The following ARHGEF3 variants were observed in gnomAD, a reference collection of about 807,000 sequenced individuals.
ARHGEF3 encodes Rho guanine nucleotide exchange factor 3.
A neutral mutation model predicts 63.2 loss-of-function variants in ARHGEF3; 28 were observed. The ratio of observed to expected loss-of-function variants is 0.44; its 90% CI spans 0.33 to 0.61. The LOEUF is 0.61. Ranked by LOEUF, ARHGEF3 falls within the 20% of genes least tolerant of loss-of-function variation. The probability of loss-of-function intolerance (pLI) is 0.03; values close to 1 mark genes in which losing one functional copy is unlikely to be tolerated. For missense variants in ARHGEF3, 533 were observed against 659.3 expected, an observed-to-expected ratio of 0.81 and a Z score of 2.10; for synonymous variants, 266 against 254.2, an observed-to-expected ratio of 1.05 and a Z score of -0.44.
In ARHGEF3 at chr3:56,948,907, G is replaced by A. The variant is rs62251118; in HGVS notation, c.129+9916C>T. On this transcript the variant is annotated intron_variant, in intron 3 of 12. Coordinates refer to the ARHGEF3 transcript ENST00000338458. Reference sequence around the variant, plus strand: ...AAATACTGGCAAACTGAATCCAGCAGCACATCAAAAAGCTTATCCACCATG... The same window carrying A: ...AAATACTGGCAAACTGAATCCAGCAACACATCAAAAAGCTTATCCACCATG... 2.6e-5 allele frequency among the ~76,000 whole-genome samples: 4 copies of A among 151,910 alleles called. No individual in the cohort carries two copies. In the East Asian group the frequency reaches 7.7e-4, roughly 29 times the overall value.
At chr3:56,951,169 AC>A (rs1699791162) in intron 3 of ARHGEF3, among the ~76,000 whole-genome samples, 1 of 151,844 alleles carries the variant, frequency 6.6e-6, no homozygotes, top group African/African-American at 2.4e-5. Flanking sequence ...TAGGAGATAT[AC>A]CTATGTTAAA....
chr3:56,963,876 A>C (rs1216901013), intron 2 of ARHGEF3, among the ~76,000 whole-genome samples: 1 of 152,170 alleles, frequency 6.6e-6, no homozygotes, highest in Non-Finnish European at 1.5e-5. Context: ...TTCTTTGTGG[A>C]GAAGCTCACT....
chr3:56,953,248 A>C lies in ARHGEF3; in HGVS notation c.129+5575T>G, dbSNP rs114131741. On this transcript the variant is annotated intron_variant, in intron 3 of 12. Transcript: ENST00000338458. Reference sequence around the variant, plus strand: ...TGTTGTGAGCATTAGAGACTCTGTCACTTTACTGAGTTGTGAATTTCAGAG... The same window carrying C: ...TGTTGTGAGCATTAGAGACTCTGTCCCTTTACTGAGTTGTGAATTTCAGAG... Among the ~76,000 whole-genome samples, 412 of 152,356 alleles carry C rather than the reference A, an allele frequency of 2.7e-3. 1 individual carries two copies. Among genetic ancestry groups the C allele is most frequent in the African/African-American group, 9.8e-3 (408 of 41,582 alleles).
At chr3:56,784,348 C>T (rs1038368040) in intron 1 of ARHGEF3, among the ~76,000 whole-genome samples, 2 of 152,180 alleles carry the variant, frequency 1.3e-5, no homozygotes, top group Non-Finnish European at 2.9e-5. Flanking sequence ...ATGCCACACC[C>T]ATCCGCCGGT....
chr3:56,967,885 T>A (rs1578980577), intron 2 of ARHGEF3, among the ~76,000 whole-genome samples: 1 of 62,336 alleles, frequency 1.6e-5, no homozygotes, highest in Non-Finnish European at 2.7e-5. Context: ...ATAATATAAA[T>A]ATATAATATA....
intron 2 of ARHGEF3, among the ~76,000 whole-genome samples, chr3:56,990,087 C>G (rs1701692043): frequency 6.6e-6 from 1 of 152,238 alleles, no homozygotes; most frequent in Non-Finnish European, 1.5e-5. Context: ...GGCTCTGCCC[C>G]ATCTACCATC....
chr3:56,992,074 G>C (rs1701773380), intron 2 of ARHGEF3, among the ~76,000 whole-genome samples: 1 of 147,076 alleles, frequency 6.8e-6, no homozygotes, highest in Non-Finnish European at 1.5e-5. Context: ...GTGTGTTCCT[G>C]GATGGTCCTT....
At chr3:56,798,632 T>C (rs1400127603) in intron 1 of ARHGEF3, among the ~76,000 whole-genome samples, 2 of 151,910 alleles carry the variant, frequency 1.3e-5, no homozygotes, top group Non-Finnish European at 2.9e-5. Flanking sequence ...GATAATTCAT[T>C]AGAGGTAACA....
chr3:56,831,291 G>T (rs547856007), intron 4 of ARHGEF3, among the ~76,000 whole-genome samples: 1 of 152,274 alleles, frequency 6.6e-6, no homozygotes, highest in Non-Finnish European at 1.5e-5. Context: ...AACTGGCTTT[G>T]TCATCTTGAC....
At chr3:56,864,909 T>C (rs542104515) in intron 4 of ARHGEF3, among the ~76,000 whole-genome samples, 1 of 152,154 alleles carries the variant, frequency 6.6e-6, no homozygotes, top group South Asian at 2.1e-4. Context: ...GTCAAGAACA[T>C]GAGACCTTCA....
intron 2 of ARHGEF3, among the ~76,000 whole-genome samples, chr3:56,995,352 T>C (rs954184714): frequency 2.6e-5 from 4 of 152,122 alleles, no homozygotes; most frequent in Admixed American, 6.6e-5. Context: ...CTGATGACTC[T>C]GATTTGTTGT....
intron 2 of ARHGEF3, among the ~76,000 whole-genome samples, chr3:57,008,428 G>C (rs370376901): frequency 6.6e-6 from 1 of 151,882 alleles, no homozygotes; most frequent in East Asian, 1.9e-4. Context: ...GGATGGAATT[G>C]GAAGAAATAG....
chr3:56,983,526 A>G (rs1701410639), intron 2 of ARHGEF3, among the ~76,000 whole-genome samples: 1 of 152,232 alleles, frequency 6.6e-6, no homozygotes, highest in African/African-American at 2.4e-5. Context: ...CTCGCCTCCA[A>G]TAGTACCTGT....
rs151031728 is a variant in ARHGEF3 at position 56,867,442 on chromosome 3, C to T, written c.192+14850G>A. On this transcript the variant is annotated intron_variant, in intron 4 of 12. Transcript: ENST00000338458. ...GTCAGATAAGAAGAGAGGGGAGTGC[C>T]GAGGAGTTAAAATGCTATTTATTTA... Among the ~76,000 whole-genome samples, 45 of 150,796 alleles carry T rather than the reference C, an allele frequency of 3.0e-4. No individual in the cohort carries two copies. The East Asian group carries it at 7.0e-3, about 24-fold the overall frequency.
rs146495265 is a variant in ARHGEF3 at position 56,740,621 on chromosome 3, T to C, written c.871-3266A>G. On this transcript the variant is annotated intron_variant, in intron 7 of 9. Transcript: ENST00000296315. ...TCAAAGAAATGAGAGGATTCCTGCC[T>C]TCAAGAAGCTTAAAACAAATGGGAG... 3.2e-3 allele frequency among the ~76,000 whole-genome samples: 490 copies of C among 152,354 alleles called. 3 individuals are homozygous for C. The highest frequency in any genetic ancestry group is 0.011 in the African/African-American group (465 of 41,594).
At chr3:56,891,351 T>C (rs2041114258) in intron 3 of ARHGEF3, among the ~76,000 whole-genome samples, 2 of 151,688 alleles carry the variant, frequency 1.3e-5, no homozygotes, top group African/African-American at 4.8e-5. Flanking sequence ...CTTTTTTTTT[T>C]TTTTTCCTTT....
chr3:56,788,704 C>T lies in ARHGEF3; in HGVS notation c.96+12999G>A, dbSNP rs757304376. 2.6e-5 allele frequency among the ~76,000 whole-genome samples: 4 copies of T among 151,914 alleles called. No homozygotes were observed. The South Asian group carries it at 6.2e-4, about 24-fold the overall frequency. ...CAGATGATGCATGTCAGGTGGGAGC[C>T]GGCCTCAGGACAACTTGCTCCCTAC... On this transcript the variant is annotated intron_variant, in intron 1 of 9. Transcript: ENST00000296315.
chr3:57,006,863 AG>A (rs1307929844), intron 2 of ARHGEF3, among the ~76,000 whole-genome samples: 4 of 152,188 alleles, frequency 2.6e-5, no homozygotes, highest in Non-Finnish European at 5.9e-5. Context: ...TGACATTCAG[AG>A]AACAACCCTC....
intron 4 of ARHGEF3, among the ~76,000 whole-genome samples, chr3:56,871,020 T>C (rs1195434207): frequency 1.3e-5 from 2 of 152,186 alleles, no homozygotes; most frequent in African/African-American, 4.8e-5. Flanking sequence ...TTTACATATA[T>C]ATTTATCTAT....
Sources: gnomAD v4.1 joint callset for allele counts (sites outside exome capture counted in the v4.1 genomes callset) on GRCh38, gnomAD v4.1.1 for gene constraint, MANE v1.5 for transcripts, NCBI Gene and HGNC (gene_info 2026-07-23, HGNC 2026-07-21) for gene names.